MAPK8: variants seen among roughly 807,000 people sequenced by gnomAD.
The protein encoded by MAPK8 is JUN N-terminal kinase.
In MAPK8, 13 loss-of-function variants were observed where a neutral mutation model predicts 52.9. The observed-to-expected ratio is 0.25, with a 90% confidence interval of 0.16 to 0.39. The LOEUF (loss-of-function observed/expected upper bound fraction) is 0.39, where lower values mean the gene tolerates loss of function less well. Among genes scored for constraint, MAPK8 ranks in the 10% least tolerant of loss-of-function variants. MAPK8 has a pLI of 1.00. For synonymous variants in MAPK8, 191 were observed against 169.8 expected (o/e 1.12, Z -0.97); for missense variants, 300 against 519.2 (o/e 0.58, Z 4.10).
Position 48,372,249 on chromosome 10 carries a change from G to A in MAPK8, c.-49-29363G>A, listed in dbSNP as rs112587585. ...AACATCAAAGACCAAAGGTAGATAA[G>A]TCCATGAAGATGGGGAGAAACCAGC... On this transcript the variant is annotated intron_variant, in intron 1 of 11. Coordinates refer to ENST00000374189, the MANE Select transcript of MAPK8 (RefSeq NM_001323329.2). 4.1e-3 allele frequency among the ~76,000 whole-genome samples: 628 copies of A among 152,122 alleles called. 6 individuals are homozygous for A. The highest frequency in any genetic ancestry group is 0.017 in the East Asian group (89 of 5,182).
intron 1 of MAPK8, among the ~76,000 whole-genome samples, chr10:48,333,134 G>A (rs989564095): frequency 3.9e-5 from 6 of 152,178 alleles, no homozygotes; most frequent in Non-Finnish European, 5.9e-5. Context: ...TGATACCTAA[G>A]CAGTTATGAT....
chr10:48,369,679 T>A (rs1848375402), intron 1 of MAPK8, among the ~76,000 whole-genome samples: 1 of 152,026 alleles, frequency 6.6e-6, no homozygotes, highest in African/African-American at 2.4e-5. Flanking sequence ...ATCTGAGGGC[T>A]AGCAGAGGGG....
In MAPK8 at chr10:48,435,275, T is replaced by C; in HGVS notation, c.*246T>C. On this transcript the variant is annotated 3_prime_UTR_variant, in exon 12 of 12. Transcript: ENST00000374189. ...TGTAATTAACTGTATAATGTAAACCTAATTATTTTATCATGGTTTAAATTT... is the reference window on the plus strand; with the variant it reads ...TGTAATTAACTGTATAATGTAAACCCAATTATTTTATCATGGTTTAAATTT... The C allele has an allele frequency of 2.7e-6, 1 of 367,100 alleles. No individual in the cohort carries two copies. The highest frequency in any genetic ancestry group is 4.2e-5 in the East Asian group (1 of 24,018). 22.7% of individuals were successfully genotyped at this position (367,100 alleles called of 1,614,324 possible). A position where few individuals can be genotyped will look rare whatever the true frequency, so the allele number is the denominator to read the frequency against.
At chr10:48,316,355 G>A (rs893312320) in intron 1 of MAPK8, among the ~76,000 whole-genome samples, 1 of 152,198 alleles carries the variant, frequency 6.6e-6, no homozygotes, top group Admixed American at 6.5e-5. Flanking sequence ...TATAGCTTAG[G>A]TATGTTGTAC....
intron 6 of MAPK8, among the ~76,000 whole-genome samples, chr10:48,420,796 G>T (rs1405973406): frequency 6.6e-6 from 1 of 152,158 alleles, no homozygotes; most frequent in Non-Finnish European, 1.5e-5. Context: ...TAATTAAGGT[G>T]ACCTCTTGAA....
intron 1 of MAPK8, among the ~76,000 whole-genome samples, chr10:48,398,943 T>C (rs1446887282): frequency 6.6e-6 from 1 of 152,194 alleles, no homozygotes; most frequent in African/African-American, 2.4e-5. Context: ...GTTACGTAAT[T>C]GTATACATTA....
At position 48,436,331 on chromosome 10, in the gene MAPK8, G is replaced by C. The variant is rs1463619947; in HGVS notation, c.*1302G>C. On this transcript the variant is annotated 3_prime_UTR_variant, in exon 12 of 12. Coordinates refer to ENST00000374189, the MANE Select transcript of MAPK8 (RefSeq NM_001323329.2). ...GTCGAGTAGTGTTAAGAATGGTGCT[G>C]CTCCTGACAAGTGTATGTTAACTGT... The C allele has an allele frequency of 6.6e-6, 1 of 152,184 alleles. No individual in the cohort carries two copies. Among genetic ancestry groups the C allele is most frequent in the African/African-American group, 2.4e-5 (1 of 41,448 alleles). The allele number at this position is 152,184 out of a possible 1,614,324, so 9.4% of individuals were successfully genotyped here.
chr10:48,388,602 T>C (rs1564567600), intron 1 of MAPK8, among the ~76,000 whole-genome samples: 1 of 152,118 alleles, frequency 6.6e-6, no homozygotes, highest in Non-Finnish European at 1.5e-5. Context: ...TCTAGCATGT[T>C]CCCCCCAGTT....
chr10:48,412,971 C>CA (rs1331391280), intron 5 of MAPK8, among the ~76,000 whole-genome samples: 1 of 152,184 alleles, frequency 6.6e-6, no homozygotes, highest in African/African-American at 2.4e-5. Flanking sequence ...CAACCCCCGA[C>CA]AGACATCATT....
At chr10:48,347,618 C>T (rs1402585740) in intron 1 of MAPK8, among the ~76,000 whole-genome samples, 3 of 152,104 alleles carry the variant, frequency 2.0e-5, no homozygotes, top group Non-Finnish European at 4.4e-5. Flanking sequence ...TCATTGTTCA[C>T]CTCCCACATA....
chr10:48,421,834 A>G (rs1589257320), intron 6 of MAPK8, among the ~76,000 whole-genome samples: 6 of 152,076 alleles, frequency 3.9e-5, no homozygotes, highest in African/African-American at 1.4e-4. Flanking sequence ...AAATGAACTG[A>G]CATATGGTTC....
intron 1 of MAPK8, among the ~76,000 whole-genome samples, chr10:48,321,724 A>C (rs1014436096): frequency 2.0e-5 from 3 of 152,324 alleles, no homozygotes; most frequent in Non-Finnish European, 4.4e-5. Context: ...ATTCTTTTGC[A>C]TATAGACATG....
chr10:48,313,150 A>C (rs1487518328), intron 1 of MAPK8, among the ~76,000 whole-genome samples: 1 of 152,214 alleles, frequency 6.6e-6, no homozygotes, highest in Non-Finnish European at 1.5e-5. Flanking sequence ...ATACAGACAT[A>C]GGCCAGGCGC....
chr10:48,363,711 G>A (rs1459328488), intron 1 of MAPK8, among the ~76,000 whole-genome samples: 1 of 152,106 alleles, frequency 6.6e-6, no homozygotes, highest in Non-Finnish European at 1.5e-5. Flanking sequence ...CCACTAGATG[G>A]CTCAAGTGCA....
intron 3 of MAPK8, among the ~76,000 whole-genome samples, chr10:48,405,428 T>C (rs2042413195): frequency 6.6e-6 from 1 of 152,192 alleles, no homozygotes; most frequent in African/African-American, 2.4e-5. Context: ...TCCCACCTCT[T>C]TAAGTGATGG....
chr10:48,435,045 G>C lies in MAPK8; in HGVS notation c.*16G>C, dbSNP rs549658964. 5.3e-6 allele frequency: 8 copies of C among 1,505,188 alleles called. No homozygotes were observed. Among genetic ancestry groups the C allele is most frequent in the African/African-American group, 2.8e-5 (2 of 71,732 alleles). 93.2% of individuals were successfully genotyped at this position (1,505,188 alleles called of 1,614,324 possible). ...CTGTAGATGACTACTTGGGCCATCG[G>C]GGGGTGGGAGGGATGGGGAGTCGGT... is the stretch of plus-strand genomic sequence containing the variant. On this transcript the variant is annotated 3_prime_UTR_variant, in exon 12 of 12. Coordinates refer to ENST00000374189, the MANE Select transcript of MAPK8 (RefSeq NM_001323329.2).
chr10:48,339,282 C>G (rs560708448), intron 1 of MAPK8, among the ~76,000 whole-genome samples: 15 of 152,188 alleles, frequency 9.9e-5, no homozygotes, highest in African/African-American at 3.4e-4. Flanking sequence ...AATAAAGCCA[C>G]ACACCTGCTA....
At chr10:48,434,811 A>T in intron 11 of MAPK8, 73 bp from the exon 12 acceptor site, 1 of 1,342,998 alleles carries the variant, frequency 7.4e-7, no homozygotes. Flanking sequence ...CACTGGAGGC[A>T]GTCAGTGCAG....
At chr10:48,369,130 C>T (rs1440368371) in intron 1 of MAPK8, among the ~76,000 whole-genome samples, 3 of 152,104 alleles carry the variant, frequency 2.0e-5, no homozygotes, top group African/African-American at 7.2e-5. Flanking sequence ...TAGAAAGAAC[C>T]AACTTCAGAA....
Sources: allele counts gnomAD v4.1 joint callset (sites outside exome capture counted in the v4.1 genomes callset), GRCh38; gene constraint gnomAD v4.1.1; transcripts MANE v1.5; gene names NCBI Gene and HGNC (gene_info 2026-07-23, HGNC 2026-07-21).